The following PCDHA8 variants were observed in gnomAD, a reference collection of about 807,000 sequenced individuals.
PCDHA8 encodes the protein protocadherin alpha 8.
In PCDHA8, 53 loss-of-function variants were observed where a neutral mutation model predicts 61.8. That is an observed-to-expected ratio of 0.86 (90% CI 0.69 to 1.08). The LOEUF (loss-of-function observed/expected upper bound fraction) is 1.08, where lower values mean the gene tolerates loss of function less well. Among genes scored for constraint, PCDHA8 ranks in the 50% least tolerant of loss-of-function variants. The pLI is 0.00. For missense variants in PCDHA8, 1,293 were observed against 1,245.0 expected (o/e 1.04, Z -0.58); for synonymous variants, 618 against 556.6 (o/e 1.11, Z -1.55).
chr5:140,909,268 A>C (rs946921668), intron 1 of PCDHA8, among the ~76,000 whole-genome samples: 1 of 152,240 alleles, frequency 6.6e-6, no homozygotes. Context: ...ACTGAAGGCA[A>C]ATTGCTTCTG....
chr5:140,877,032 G>A (rs2056800154), intron 1 of PCDHA8: 1 of 1,612,266 alleles, frequency 6.2e-7, no homozygotes, highest in African/African-American at 1.3e-5. Flanking sequence ...TGTACGCGCT[G>A]CAGCCGCTAG....
At chr5:140,876,980 C>T (rs782646541) in intron 1 of PCDHA8, 18 of 1,612,542 alleles carry the variant, frequency 1.1e-5, no homozygotes, top group Admixed American at 1.7e-5. Flanking sequence ...GGCGAGCACG[C>T]ACTGTCGAGC....
chr5:140,961,920 G>A (rs2095643236), intron 1 of PCDHA8, among the ~76,000 whole-genome samples: 1 of 147,904 alleles, frequency 6.8e-6, no homozygotes, highest in South Asian at 2.1e-4. Context: ...GTCTCGCTCT[G>A]TTGCCCAGGC....
intron 1 of PCDHA8, among the ~76,000 whole-genome samples, chr5:140,921,646 G>T (rs957810883): frequency 6.6e-6 from 1 of 152,124 alleles, no homozygotes; most frequent in Admixed American, 6.5e-5. Context: ...GCTATTTTAA[G>T]GGAACTTAAT....
At chr5:140,843,758 A>T (rs2150366226) in intron 1 of PCDHA8, 43 bp downstream of exon 1, 1 of 1,503,376 alleles carries the variant, frequency 6.7e-7, no homozygotes, top group East Asian at 2.3e-5. Flanking sequence ...CTATTTGTGG[A>T]AATTGTAGTT....
chr5:140,925,069 C>T (rs1240618705), intron 1 of PCDHA8, among the ~76,000 whole-genome samples: 1 of 149,418 alleles, frequency 6.7e-6, no homozygotes, highest in Non-Finnish European at 1.5e-5. Context: ...AACAAAGCAA[C>T]ACGCTCATCT....
At chr5:140,942,900 GA>G (rs1383279314) in intron 1 of PCDHA8, among the ~76,000 whole-genome samples, 1 of 151,718 alleles carries the variant, frequency 6.6e-6, no homozygotes, top group Non-Finnish European at 1.5e-5. Context: ...TTATCTCTAA[GA>G]ATAAGCGTGA....
intron 1 of PCDHA8, among the ~76,000 whole-genome samples, chr5:140,872,031 C>A (rs1383565952): frequency 6.6e-6 from 1 of 152,220 alleles, no homozygotes; most frequent in Non-Finnish European, 1.5e-5. Context: ...AACTGCTAAG[C>A]TCAAAGAATT....
chr5:140,982,795 A>ATG (rs60616196), intron 3 of PCDHA8, among the ~76,000 whole-genome samples: 5,064 of 151,610 alleles, frequency 0.033, 263 homozygotes, highest in African/African-American at 0.11. Context: ...GCATGTGTGC[A>ATG]TGTGTGTGTG....
chr5:140,908,795 A>C (rs2074156138), intron 1 of PCDHA8, among the ~76,000 whole-genome samples: 1 of 152,202 alleles, frequency 6.6e-6, no homozygotes, highest in South Asian at 2.1e-4. Context: ...TCTGTACTAC[A>C]TTAAAAAGTG....
chr5:140,968,886 A>T, intron 1 of PCDHA8: 1 of 1,614,186 alleles, frequency 6.2e-7, no homozygotes, highest in Non-Finnish European at 8.5e-7. Flanking sequence ...ATTACCCTTT[A>T]TCTAATAATA....
chr5:140,941,402 C>T (rs544909478), intron 1 of PCDHA8, among the ~76,000 whole-genome samples: 12 of 149,674 alleles, frequency 8.0e-5, no homozygotes, highest in African/African-American at 2.5e-4. Flanking sequence ...CTGCAACCTC[C>T]GCCTCCCGGG....
chr5:140,851,967 A>G, intron 1 of PCDHA8: 1 of 977,046 alleles, frequency 1.0e-6, no homozygotes, highest in Non-Finnish European at 1.2e-6. Flanking sequence ...GGTTTTCCAC[A>G]CTCTACCTTT....
At chr5:140,880,231 A>G (rs2058275588) in intron 1 of PCDHA8, among the ~76,000 whole-genome samples, 1 of 152,266 alleles carries the variant, frequency 6.6e-6, no homozygotes, top group South Asian at 2.1e-4. Context: ...CATTTAAATT[A>G]GTGTATGTGC....
At chr5:140,960,742 T>C (rs1336861398) in intron 1 of PCDHA8, among the ~76,000 whole-genome samples, 1 of 151,530 alleles carries the variant, frequency 6.6e-6, no homozygotes, top group Non-Finnish European at 1.5e-5. Flanking sequence ...TTTTAGTCCA[T>C]GGCTAAAATC....
intron 3 of PCDHA8, among the ~76,000 whole-genome samples, chr5:140,984,861 C>T (rs1163314869): frequency 6.6e-6 from 1 of 151,870 alleles, no homozygotes; most frequent in Non-Finnish European, 1.5e-5. Flanking sequence ...ATAATAACAC[C>T]TATTTTATTG....
intron 1 of PCDHA8, among the ~76,000 whole-genome samples, chr5:140,892,799 G>A (rs1222453314): frequency 6.6e-6 from 1 of 152,108 alleles, no homozygotes; most frequent in African/African-American, 2.4e-5. Flanking sequence ...AGAAATTATA[G>A]TTAACCATAT....
intron 3 of PCDHA8, among the ~76,000 whole-genome samples, chr5:140,998,586 CAG>C (rs1340236276): frequency 1.4e-5 from 2 of 147,292 alleles, no homozygotes; most frequent in African/African-American, 5.1e-5. Context: ...TTTTTTGAGA[CAG>C]AGTTTTGCTC....
In PCDHA8 at chr5:140,856,586, G is replaced by A. The variant is rs1185371115; in HGVS notation, c.2394+12871G>A. 7 of 1,597,236 alleles carry A rather than the reference G, an allele frequency of 4.4e-6. 1 individual carries two copies. The highest frequency in any genetic ancestry group is 6.0e-6 in the Non-Finnish European group (7 of 1,166,914). ...CAGTCCAAATGAGTATTTTGTTCTT[G>A]ATATTATAAACAAAAAAGACAAAGA... On this transcript the variant is annotated intron_variant, in intron 1 of 3. Coordinates refer to ENST00000531613, the MANE Select transcript of PCDHA8 (RefSeq NM_018911.3).
Sources: allele counts gnomAD v4.1 joint callset (sites outside exome capture counted in the v4.1 genomes callset), GRCh38; gene constraint gnomAD v4.1.1; transcripts MANE v1.5; gene names NCBI Gene and HGNC (gene_info 2026-07-23, HGNC 2026-07-21).